TCF7L1: variants seen among roughly 807,000 people sequenced by gnomAD.
TCF7L1 encodes transcription factor 7 like 1, also known as transcription factor 7-like 1.
In TCF7L1, 18 loss-of-function variants were observed where a neutral mutation model predicts 63.7. That is an observed-to-expected ratio of 0.28 (90% CI 0.20 to 0.42). The LOEUF (loss-of-function observed/expected upper bound fraction) is 0.42. TCF7L1 is among the 10% of genes least tolerant of loss of function. TCF7L1 has a pLI of 1.00. For missense variants in TCF7L1, 654 were observed against 779.3 expected (o/e 0.84, Z 1.91); for synonymous variants, 355 against 340.9 (o/e 1.04, Z -0.46).
intron 3 of TCF7L1, among the ~76,000 whole-genome samples, chr2:85,162,346 T>G (rs1047596219): frequency 3.3e-5 from 5 of 152,214 alleles, no homozygotes; most frequent in African/African-American, 1.2e-4. Flanking sequence ...CAAAGCTCAC[T>G]TTTAAAAGTT....
chr2:85,143,611 T>C (rs983996600), intron 3 of TCF7L1, among the ~76,000 whole-genome samples: 1 of 152,220 alleles, frequency 6.6e-6, no homozygotes, highest in Non-Finnish European at 1.5e-5. Context: ...GTTACATTGA[T>C]GGTGATTGAT....
intron 3 of TCF7L1, among the ~76,000 whole-genome samples, chr2:85,207,946 G>T (rs1361391882): frequency 1.3e-5 from 2 of 151,910 alleles, no homozygotes; most frequent in African/African-American, 4.8e-5. Context: ...TTGCTCTGTC[G>T]CCCAGGCTGG....
chr2:85,177,582 G>A (rs1250073231), intron 3 of TCF7L1, among the ~76,000 whole-genome samples: 1 of 152,144 alleles, frequency 6.6e-6, no homozygotes, highest in Non-Finnish European at 1.5e-5. Context: ...GCGCATGCCT[G>A]TAGTCCCAGC....
At chr2:85,190,059 C>T (rs796306894) in intron 3 of TCF7L1, among the ~76,000 whole-genome samples, 16 of 152,338 alleles carry the variant, frequency 1.1e-4, no homozygotes, top group African/African-American at 3.6e-4. Flanking sequence ...TCTTTGTGTA[C>T]ACCTCTTGGA....
At chr2:85,303,262 C>T (rs1461660246) in intron 5 of TCF7L1, 2 of 152,414 alleles carry the variant, frequency 1.3e-5, no homozygotes, top group African/African-American at 4.8e-5. Context: ...GTCTCAAACT[C>T]CTGGACTCAA....
intron 3 of TCF7L1, among the ~76,000 whole-genome samples, chr2:85,212,957 G>C (rs886451509): frequency 6.6e-6 from 1 of 152,194 alleles, no homozygotes; most frequent in African/African-American, 2.4e-5. Context: ...ACTCGAATGT[G>C]ACAAAACCTT....
At chr2:85,154,629 C>G (rs899026068) in intron 3 of TCF7L1, among the ~76,000 whole-genome samples, 1 of 152,198 alleles carries the variant, frequency 6.6e-6, no homozygotes, top group Non-Finnish European at 1.5e-5. Flanking sequence ...GTTCTCAGCT[C>G]TCTGTACTTG....
At chr2:85,176,289 C>T (rs532975754) in intron 3 of TCF7L1, among the ~76,000 whole-genome samples, 37 of 152,336 alleles carry the variant, frequency 2.4e-4, no homozygotes, top group African/African-American at 8.4e-4. Flanking sequence ...GTTTACACTG[C>T]AGCCTGTTGT....
intron 3 of TCF7L1, among the ~76,000 whole-genome samples, chr2:85,228,272 T>C (rs776376833): frequency 6.6e-6 from 1 of 152,026 alleles, no homozygotes; most frequent in Non-Finnish European, 1.5e-5. Flanking sequence ...ATTTTAAAAA[T>C]CAGCCATGTG....
chr2:85,204,298 C>G lies in TCF7L1; in HGVS notation c.441+69848C>G, dbSNP rs547048664. On this transcript the variant is annotated intron_variant, in intron 3 of 11. Transcript: ENST00000282111. ...TCTATTTGATAACTTGCTTCCCCCC[C>G]CCCCCCCACTTAATAGGGTATCTCA... Among the ~76,000 whole-genome samples, 73 of 90,388 alleles carry G rather than the reference C, an allele frequency of 8.1e-4. 13 individuals carry two copies. The South Asian group carries it at 0.033, about 41-fold the overall frequency. 59.3% of individuals were successfully genotyped at this position (90,388 alleles called of 152,430 possible).
At chr2:85,229,454 GAA>G (rs1680025956) in intron 3 of TCF7L1, among the ~76,000 whole-genome samples, 1 of 152,240 alleles carries the variant, frequency 6.6e-6, no homozygotes, top group Non-Finnish European at 1.5e-5. Flanking sequence ...GATGGAGAGA[GAA>G]AGAACTGGAA....
In TCF7L1 at chr2:85,309,201, CCT is replaced by C; in HGVS notation, c.1510_1511del (p.Ser504ProfsTer22). 1 of 1,614,106 alleles carries C rather than the reference CCT, an allele frequency of 6.2e-7. No individual in the cohort carries two copies. The highest frequency in any genetic ancestry group is 1.3e-5 in the African/African-American group (1 of 75,016). On this transcript the variant is annotated frameshift_variant, in exon 12 of 12. Coordinates refer to ENST00000282111, the MANE Select transcript of TCF7L1 (RefSeq NM_031283.3). LOFTEE classifies it high-confidence loss of function. Reference protein sequence around the residue: ...AATHSEQAQPLSLTTKPETRA... With the variant: ...AATHSEQAQPXSLTTKPETRA... ...CCACCCATTCGGAGCAAGCCCAGCC[CCT>C]CTCCCTCACCACCAAACCAGAAACC... is the stretch of plus-strand genomic sequence containing the variant.
chr2:85,244,574 T>C, intron 3 of TCF7L1, among the ~76,000 whole-genome samples: 1 of 152,060 alleles, frequency 6.6e-6, no homozygotes, highest in East Asian at 1.9e-4. Context: ...TTGACAGAAA[T>C]GGAGAAGACT....
At chr2:85,146,915 C>T (rs1211507411) in intron 3 of TCF7L1, among the ~76,000 whole-genome samples, 2 of 152,154 alleles carry the variant, frequency 1.3e-5, no homozygotes, top group Admixed American at 6.5e-5. Flanking sequence ...TAATTGCTAT[C>T]TTAATCTTTC....
chr2:85,294,591 G>A (rs1414623694), intron 4 of TCF7L1, among the ~76,000 whole-genome samples: 1 of 152,146 alleles, frequency 6.6e-6, no homozygotes, highest in Non-Finnish European at 1.5e-5. Context: ...GCAAACTGGA[G>A]AGTTTCATGT....
intron 3 of TCF7L1, among the ~76,000 whole-genome samples, chr2:85,211,256 G>T (rs530758758): frequency 6.6e-6 from 1 of 152,300 alleles, no homozygotes; most frequent in Non-Finnish European, 1.5e-5. Flanking sequence ...GAACCACCAC[G>T]ATGGAGACTA....
rs768310199 is a variant in TCF7L1 at position 85,302,524 on chromosome 2, A to G, written c.566A>G (p.His189Arg). The part of the protein sequence containing the change: ...VPVVQHPHHM[H>R]PLTPLITYSN... ...GTCGTTCAGCACCCGCATCACATGC[A>G]TCCGCTGACTCCCCTCATCACCTAC... The change falls in exon 5 of 12, where the codon CAT (histidine) becomes CGT (arginine). Residue 189 changes from histidine (H) to arginine (R), a missense_variant. Physicochemically the swap from His to Arg is conservative, Grantham distance 29. Around this residue, in one of 3 missense-constraint regions of TCF7L1, gnomAD observed 404 missense variants for 454.8 expected, o/e 0.89. Coordinates refer to ENST00000282111, the MANE Select transcript of TCF7L1 (RefSeq NM_031283.3). 6.2e-7 allele frequency: 1 copy of G among 1,614,192 alleles called. No individual in the cohort carries two copies. The highest frequency in any genetic ancestry group is 8.5e-7 in the Non-Finnish European group (1 of 1,180,038).
rs114174397 is a variant in TCF7L1, at chr2:85,282,932, A to G, written c.442-563A>G. ...ATCTTTTTCAGGGTTGAGAGACGCT[A>G]TAATGAAGGAAAGCTCAGCATCCTT... On this transcript the variant is annotated intron_variant, in intron 3 of 11. Transcript: ENST00000282111. Among the ~76,000 whole-genome samples, 1,505 of 152,094 alleles carry G rather than the reference A, an allele frequency of 9.9e-3. 26 individuals carry two copies. The highest frequency in any genetic ancestry group is 0.034 in the African/African-American group (1,398 of 41,484).
chr2:85,204,291 T>TTGGGG, intron 3 of TCF7L1, among the ~76,000 whole-genome samples: 1 of 22,058 alleles, frequency 4.5e-5, no homozygotes, highest in South Asian at 1.9e-3. Context: ...ATAACTTGCT[T>TTGGGG]CCCCCCCCCC....
Sources: gnomAD v4.1 joint callset for allele counts (sites outside exome capture counted in the v4.1 genomes callset) on GRCh38, gnomAD v4.1.1 for gene constraint, gnomAD v4.1.1 regional missense constraint, MANE v1.5 for transcripts, NCBI Gene and HGNC (gene_info 2026-07-23, HGNC 2026-07-21) for gene names.